Variants in ZNF45 observed in about 807,000 individuals in gnomAD.
ZNF45 encodes the protein zinc finger protein 45.
ZNF45 carries 4 observed loss-of-function variants against 12.0 expected under a neutral mutation model. The ratio of observed to expected loss-of-function variants is 0.33; its 90% CI spans 0.16 to 0.76. ZNF45 has a LOEUF of 0.76. Among genes scored for constraint, ZNF45 ranks in the 30% least tolerant of loss-of-function variants. ZNF45 has a pLI of 0.60. For synonymous variants in ZNF45, 272 were observed against 279.6 expected, an observed-to-expected ratio of 0.97 and a Z score of 0.27; for missense variants, 700 against 813.0, an observed-to-expected ratio of 0.86 and a Z score of 1.69.
chr19:43,922,227 G>C lies in ZNF45; in HGVS notation c.-32-10C>G. 6.3e-7 allele frequency: 1 copy of C among 1,582,922 alleles called. No homozygotes were observed. The highest frequency in any genetic ancestry group is 1.4e-5 in the African/African-American group (1 of 74,014). On this transcript the variant is annotated splice_polypyrimidine_tract_variant and intron_variant, in intron 6 of 9. Coordinates refer to ENST00000269973, the MANE Select transcript of ZNF45 (RefSeq NM_003425.4). ...TGGAGAAGTGCCAAGTCTTAAGAGG[G>C]AAGGAGAAAACATGAGGGAAGGAGA...
At position 43,914,623 on chromosome 19, in the gene ZNF45, C is replaced by G. The variant is rs61731635; in HGVS notation, c.813G>C (p.Thr271=). 3 of 1,613,520 alleles carry G rather than the reference C, an allele frequency of 1.9e-6. No individual in the cohort carries two copies. The East Asian group carries it at 6.7e-5, about 36-fold the overall frequency. The change falls in exon 10 of 10, where the codon ACG becomes ACC. Residue 271 remains threonine (T), a synonymous_variant. Transcript: ENST00000269973. ...CCTCACATTTATAGGGTTTCTCTCC[C>G]GTATGAACTATCAGAGGAGCTTGAC... ...SHCQAPLIVH[T]GEKPYKCEEC...
chr19:43,923,616 G>A (rs995521525), intron 6 of ZNF45, among the ~76,000 whole-genome samples: 4 of 152,052 alleles, frequency 2.6e-5, no homozygotes, highest in Admixed American at 2.6e-4. Flanking sequence ...TTTTTTGATA[G>A]TAAAATATGT....
chr19:43,916,178 CA>C (rs930057970), intron 9 of ZNF45, among the ~76,000 whole-genome samples: 4 of 152,070 alleles, frequency 2.6e-5, no homozygotes, highest in Non-Finnish European at 4.4e-5. Flanking sequence ...TGCAGTGGCA[CA>C]AACATGGCTT....
At chr19:43,919,882 A>G in intron 7 of ZNF45, 183 bp from the exon 8 acceptor site, 1 of 541,266 alleles carries the variant, frequency 1.8e-6, no homozygotes, top group East Asian at 5.3e-5. Context: ...CCTTTTCATA[A>G]TAAATGCTGT....
intron 6 of ZNF45, among the ~76,000 whole-genome samples, chr19:43,923,031 G>T (rs1298257043): frequency 6.6e-6 from 1 of 151,658 alleles, no homozygotes; most frequent in African/African-American, 2.4e-5. Context: ...ATGCTATGTT[G>T]CCCGAGCCAG....
At chr19:43,925,682 A>C (rs1973616262) in intron 3 of ZNF45, among the ~76,000 whole-genome samples, 1 of 152,138 alleles carries the variant, frequency 6.6e-6, no homozygotes, top group Admixed American at 6.5e-5. Flanking sequence ...AGTGCAGTGG[A>C]ATGATCTCAG....
intron 6 of ZNF45, 81 bp from the exon 7 acceptor site, chr19:43,922,298 T>G: frequency 1.1e-6 from 1 of 905,800 alleles, no homozygotes; most frequent in Admixed American, 3.4e-5. Flanking sequence ...TAGCTGTTTT[T>G]TTGTTTTGTT....
intron 6 of ZNF45, 118 bp from the exon 7 acceptor site, chr19:43,922,335 C>A: frequency 1.6e-6 from 1 of 624,716 alleles, no homozygotes; most frequent in Non-Finnish European, 2.7e-6. Context: ...GAAATAGCAA[C>A]AGTGTTCCTT....
chr19:43,914,578 A>G lies in ZNF45; in HGVS notation c.858T>C (p.Ser286=). 1 of 1,611,494 alleles carries G rather than the reference A, an allele frequency of 6.2e-7. No individual in the cohort carries two copies. The highest frequency in any genetic ancestry group is 8.5e-7 in the Non-Finnish European group (1 of 1,178,688). ...GATGAACTTGAAGATATGATCTCTG[A>G]CTGAAGCCCACCCCACACTCCTCAC... ...YKCEECGVGF[S]QRSYLQVHLK... is the part of the protein sequence containing the mutation. Residue 286 remains serine, a synonymous_variant, in exon 10 of 10, where the codon AGT becomes AGC. Coordinates refer to ENST00000269973, the MANE Select transcript of ZNF45 (RefSeq NM_003425.4).
chr19:43,917,756 G>A (rs1347100887), intron 9 of ZNF45, among the ~76,000 whole-genome samples: 1 of 152,154 alleles, frequency 6.6e-6, no homozygotes, highest in Non-Finnish European at 1.5e-5. Flanking sequence ...AAAGTGCTGG[G>A]ATTACAGGCG....
intron 3 of ZNF45, among the ~76,000 whole-genome samples, chr19:43,928,406 T>C (rs933649823): frequency 1.3e-5 from 2 of 151,852 alleles, no homozygotes; most frequent in Admixed American, 1.3e-4. Flanking sequence ...CCAGAAAAAA[T>C]AACTCATGGG....
intron 7 of ZNF45, among the ~76,000 whole-genome samples, chr19:43,921,335 G>C (rs1401614787): frequency 6.6e-6 from 1 of 152,132 alleles, no homozygotes; most frequent in African/African-American, 2.4e-5. Context: ...CTCTTGTACT[G>C]CTAGACTTTT....
rs760386260 is a variant in ZNF45, at chr19:43,918,967, G to A, written c.143-5C>T. On this transcript the variant is annotated splice_polypyrimidine_tract_variant and splice_region_variant and intron_variant, in intron 8 of 9. Coordinates refer to ENST00000269973, the MANE Select transcript of ZNF45 (RefSeq NM_003425.4). ...CATCTGGTGTGGACTGATGCCCTGT[G>A]AAAAGGCAAGGACATAGGTTTATAA... is the stretch of plus-strand genomic sequence containing the variant. 1 of 1,612,936 alleles carries A rather than the reference G, an allele frequency of 6.2e-7. No homozygotes were observed. Among genetic ancestry groups the A allele is most frequent in the Non-Finnish European group, 8.5e-7 (1 of 1,179,122 alleles).
At position 43,914,632 on chromosome 19, in the gene ZNF45, T is replaced by TA. The variant is rs1972487755; in HGVS notation, c.803dup (p.Val269SerfsTer9). 2 of 1,613,788 alleles carry TA rather than the reference T, an allele frequency of 1.2e-6. No individual in the cohort carries two copies. The highest frequency in any genetic ancestry group is 1.7e-6 in the Non-Finnish European group (2 of 1,179,806). ...TATAGGGTTTCTCTCCCGTATGAAC[T>TA]ATCAGAGGAGCTTGACAATGTGAGC... On this transcript the variant is annotated frameshift_variant, in exon 10 of 10. Transcript: ENST00000269973. LOFTEE classifies it low-confidence loss of function (END_TRUNC).
In ZNF45 at chr19:43,913,764, A is replaced by G; in HGVS notation, c.1672T>C (p.Cys558Arg). 3 of 1,614,000 alleles carry G rather than the reference A, an allele frequency of 1.9e-6. No homozygotes were observed. The highest frequency in any genetic ancestry group is 1.7e-6 in the Non-Finnish European group (2 of 1,179,994). Reference sequence around the variant, plus strand: ...CAGAAGCCCTTCCCACACTCCTCACATTGATAGGGTTTCTCTCCAGTGTGG... The same window carrying G: ...CAGAAGCCCTTCCCACACTCCTCACGTTGATAGGGTTTCTCTCCAGTGTGG... ...RCHTGEKPYQ[C>R]EECGKGFCRA... Residue 558 changes from cysteine (C) to arginine (R), a missense_variant, in exon 10 of 10, where the codon TGT (cysteine) becomes CGT (arginine). Coordinates refer to ENST00000269973, the MANE Select transcript of ZNF45 (RefSeq NM_003425.4).
chr19:43,918,031 C>T (rs1456927431), intron 9 of ZNF45, among the ~76,000 whole-genome samples: 1 of 152,164 alleles, frequency 6.6e-6, no homozygotes, highest in Non-Finnish European at 1.5e-5. Context: ...CATTGCCATA[C>T]ATACCATATT....
In ZNF45 at chr19:43,913,630, G is replaced by A. The variant is rs765162685; in HGVS notation, c.1806C>T (p.His602=). ...RFRQRSYLQA[H]QRVHTGERPY... ...GTCTCTCTCCTGTGTGGACCCTCTGGTGGGCTTGAAGGTAGGATCTCTGTC... is the reference window on the plus strand; with the variant it reads ...GTCTCTCTCCTGTGTGGACCCTCTGATGGGCTTGAAGGTAGGATCTCTGTC... Residue 602 remains histidine (H), a synonymous_variant, in exon 10 of 10, where the codon CAC becomes CAT. Transcript: ENST00000269973. 3 of 1,613,496 alleles carry A rather than the reference G, an allele frequency of 1.9e-6. No individual in the cohort carries two copies. The highest frequency in any genetic ancestry group is 1.7e-5 in the Admixed American group (1 of 59,930).
chr19:43,919,812 G>T, intron 7 of ZNF45, 113 bp from the exon 8 acceptor site: 1 of 1,202,290 alleles, frequency 8.3e-7, no homozygotes, highest in Non-Finnish European at 1.2e-6. Flanking sequence ...ATTCTTAAGA[G>T]ACCATATTCA....
rs1030620586 is a variant in ZNF45 at position 43,927,903 on chromosome 19, G to A, written c.-399-2445C>T. Reference sequence around the variant, plus strand: ...TAAAAAAGATGTCCTGGCTGGGCGCGGTGGCTCATGCCTGTAATCCCAGCA... The same window carrying A: ...TAAAAAAGATGTCCTGGCTGGGCGCAGTGGCTCATGCCTGTAATCCCAGCA... On this transcript the variant is annotated intron_variant, in intron 3 of 9. Coordinates refer to ENST00000269973, the MANE Select transcript of ZNF45 (RefSeq NM_003425.4). Among the ~76,000 whole-genome samples the A allele has an allele frequency of 3.9e-5, 6 of 152,038 alleles. 1 individual carries two copies. The highest frequency in any genetic ancestry group is 1.2e-4 in the African/African-American group (5 of 41,392).
Sources: allele counts gnomAD v4.1 joint callset (sites outside exome capture counted in the v4.1 genomes callset), GRCh38; gene constraint gnomAD v4.1.1; transcripts MANE v1.5; gene names NCBI Gene and HGNC (gene_info 2026-07-23, HGNC 2026-07-21).